Variants in SPON1 observed in about 807,000 individuals in gnomAD.
SPON1 encodes spondin 1, also known as spondin-1.
A neutral mutation model predicts 111.7 loss-of-function variants in SPON1; 52 were observed. The ratio of observed to expected loss-of-function variants is 0.47; its 90% CI spans 0.37 to 0.59. SPON1 has a LOEUF of 0.59. Ranked by LOEUF, SPON1 falls within the 20% of genes least tolerant of loss-of-function variation. The probability of loss-of-function intolerance (pLI) is 0.00; values close to 1 mark genes in which losing one functional copy is unlikely to be tolerated. For synonymous variants in SPON1, 410 were observed against 395.8 expected, an observed-to-expected ratio of 1.04 and a Z score of -0.43; for missense variants, 957 against 1,068.5, an observed-to-expected ratio of 0.90 and a Z score of 1.46.
rs1554941136 is a variant in SPON1, at chr11:14,255,703, C to A, written c.1149C>A (p.Asp383Glu). ...QEKIRPLTSLDHPQSPFYDPE... is the reference protein window; with the variant it reads ...QEKIRPLTSLEHPQSPFYDPE... ...AAATCCGGCCCCTGACCAGCCTGGA[C>A]CATCCTCAGAGTCCTTTCTATGACC... The change falls in exon 9 of 16, where the codon GAC becomes GAA. Residue 383 changes from aspartate (D) to glutamate (E), a missense_variant. Transcript: ENST00000576479. 2.5e-6 allele frequency: 4 copies of A among 1,613,848 alleles called. No homozygotes were observed. In the Admixed American group the frequency reaches 6.7e-5, roughly 27 times the overall value.
intron 6 of SPON1, among the ~76,000 whole-genome samples, chr11:14,221,435 T>C (rs1297648488): frequency 6.6e-6 from 1 of 152,246 alleles, no homozygotes; most frequent in Non-Finnish European, 1.5e-5. Context: ...TAGGCCTGTC[T>C]TAATTCAAGG....
chr11:14,065,928 TGGA>T, intron 3 of SPON1, among the ~76,000 whole-genome samples: 2 of 152,218 alleles, frequency 1.3e-5, no homozygotes, highest in African/African-American at 2.4e-5. Flanking sequence ...CACTAGTCCC[TGGA>T]CTCAAGGGGC....
At chr11:13,993,189 T>A (rs1848244868) in intron 2 of SPON1, among the ~76,000 whole-genome samples, 1 of 151,904 alleles carries the variant, frequency 6.6e-6, no homozygotes, top group South Asian at 2.1e-4. Flanking sequence ...CTCCCTAGAC[T>A]TAGTGGCGAG....
chr11:14,009,850 T>C (rs1848390603), intron 2 of SPON1, among the ~76,000 whole-genome samples: 1 of 152,140 alleles, frequency 6.6e-6, no homozygotes, highest in South Asian at 2.1e-4. Context: ...ACTAATTCCA[T>C]TTATGAGGGT....
intron 6 of SPON1, among the ~76,000 whole-genome samples, chr11:14,194,371 A>C (rs751229294): frequency 1.5e-4 from 23 of 152,302 alleles, no homozygotes; most frequent in Non-Finnish European, 2.4e-4. Context: ...TACAAACTGA[A>C]CTTCATTAGC....
chr11:14,254,775 C>T (rs1554941019), intron 8 of SPON1, 46 bp downstream of exon 8: 1 of 1,574,456 alleles, frequency 6.4e-7, no homozygotes, highest in South Asian at 1.1e-5. Flanking sequence ...TGCCTACCCG[C>T]TTCCTGAGTG....
At chr11:14,119,741 C>T (rs1554926312) in intron 5 of SPON1, among the ~76,000 whole-genome samples, 1 of 152,010 alleles carries the variant, frequency 6.6e-6, no homozygotes, top group Non-Finnish European at 1.5e-5. Flanking sequence ...TGTGAGAGTC[C>T]CCCGTCGTCA....
intron 5 of SPON1, among the ~76,000 whole-genome samples, chr11:14,090,786 C>A (rs1416063905): frequency 2.0e-5 from 3 of 147,702 alleles, no homozygotes; most frequent in Non-Finnish European, 3.0e-5. Flanking sequence ...CCGGTTGCCA[C>A]TGCTGGCTCC....
chr11:14,267,106 C>T lies in SPON1; in HGVS notation c.*1419C>T, dbSNP rs1257640136. ...CACATACAATGCTCTGAATACACTA[C>T]GAATTTGTATTAAACACATCAGAAT... On this transcript the variant is annotated 3_prime_UTR_variant, in exon 16 of 16. Transcript: ENST00000576479. 4.6e-5 allele frequency: 7 copies of T among 152,306 alleles called. No individual in the cohort carries two copies. Among genetic ancestry groups the T allele is most frequent in the East Asian group, 3.8e-4 (2 of 5,196 alleles). The allele number at this position is 152,306 out of a possible 1,614,324, so 9.4% of individuals were successfully genotyped here. A position where few individuals can be genotyped will look rare whatever the true frequency, so the allele number is the denominator to read the frequency against.
At chr11:13,963,178 G>T in intron 1 of SPON1, 36 bp downstream of exon 1, 1 of 1,414,282 alleles carries the variant, frequency 7.1e-7, no homozygotes, top group African/African-American at 1.5e-5. Context: ...AGGAGAGCGG[G>T]ACCCGGTCCC....
At chr11:14,057,750 T>C (rs1306765593) in intron 3 of SPON1, among the ~76,000 whole-genome samples, 1 of 149,744 alleles carries the variant, frequency 6.7e-6, no homozygotes, top group Non-Finnish European at 1.5e-5. Flanking sequence ...ATCCCAACAA[T>C]TTGGGAAGCT....
intron 6 of SPON1, among the ~76,000 whole-genome samples, chr11:14,226,820 G>A (rs1213879605): frequency 4.6e-5 from 7 of 152,196 alleles, no homozygotes; most frequent in African/African-American, 1.7e-4. Context: ...CAGGGCTGAA[G>A]TCAAGATACA....
intron 2 of SPON1, among the ~76,000 whole-genome samples, chr11:13,997,180 T>A (rs1848280026): frequency 6.6e-6 from 1 of 152,204 alleles, no homozygotes; most frequent in South Asian, 2.1e-4. Context: ...CCGTTTGGGT[T>A]TTGACAGTGT....
chr11:14,141,025 C>T lies in SPON1; in HGVS notation c.825+5457C>T, dbSNP rs1468990829. 1.6e-5 allele frequency among the ~76,000 whole-genome samples: 2 copies of T among 125,694 alleles called. 1 individual carries two copies. The highest frequency in any genetic ancestry group is 5.7e-4 in the East Asian group (2 of 3,500). The allele number at this position is 125,694 out of a possible 152,430, so 82.5% of individuals were successfully genotyped here. ...ACATCCACTGTATGCAGGCGTGCCCCCCCCATGCCCCACTTCTCACTGGCT... is the reference window on the plus strand; with the variant it reads ...ACATCCACTGTATGCAGGCGTGCCCTCCCCATGCCCCACTTCTCACTGGCT... On this transcript the variant is annotated intron_variant, in intron 6 of 15. Coordinates refer to ENST00000576479, the MANE Select transcript of SPON1 (RefSeq NM_006108.4).
Position 14,265,725 on chromosome 11 carries a change from CAG to C in SPON1, c.*41_*42del. ...TTCCCCAGGGCTGCACTCTAGATTC[CAG>C]AGTCACCAATGGCTGGATTATTTGC... is the stretch of plus-strand genomic sequence containing the variant. On this transcript the variant is annotated 3_prime_UTR_variant, in exon 16 of 16. Coordinates refer to ENST00000576479, the MANE Select transcript of SPON1 (RefSeq NM_006108.4). 1 of 1,594,786 alleles carries C rather than the reference CAG, an allele frequency of 6.3e-7. No individual in the cohort carries two copies. Among genetic ancestry groups the C allele is most frequent in the Non-Finnish European group, 8.6e-7 (1 of 1,168,742 alleles).
intron 2 of SPON1, among the ~76,000 whole-genome samples, chr11:14,032,513 T>C (rs949076843): frequency 3.9e-5 from 6 of 152,180 alleles, no homozygotes; most frequent in African/African-American, 1.4e-4. Context: ...AACCACAACA[T>C]ACCGAGGGCC....
intron 5 of SPON1, among the ~76,000 whole-genome samples, chr11:14,090,658 G>A (rs1309820933): frequency 6.6e-6 from 1 of 152,056 alleles, no homozygotes; most frequent in African/African-American, 2.4e-5. Flanking sequence ...GAGTGAAGCT[G>A]CAGATCTTCA....
At chr11:14,049,091 T>C (rs1052960354) in intron 3 of SPON1, among the ~76,000 whole-genome samples, 18 of 151,898 alleles carry the variant, frequency 1.2e-4, no homozygotes, top group African/African-American at 4.4e-4. Flanking sequence ...CACAGAGAGG[T>C]TCAGTAATGT....
intron 3 of SPON1, among the ~76,000 whole-genome samples, chr11:14,042,302 C>T (rs1174486522): frequency 6.6e-6 from 1 of 152,082 alleles, no homozygotes; most frequent in South Asian, 2.1e-4. Flanking sequence ...AAAATGATTT[C>T]TGTGGTCAAA....
Sources: allele counts gnomAD v4.1 joint callset (sites outside exome capture counted in the v4.1 genomes callset), GRCh38; gene constraint gnomAD v4.1.1; transcripts MANE v1.5; gene names NCBI Gene and HGNC (gene_info 2026-07-23, HGNC 2026-07-21).